The following LRRC4C variants were observed in gnomAD, a reference collection of about 807,000 sequenced individuals.
LRRC4C encodes leucine rich repeat containing 4C, also known as leucine-rich repeat-containing protein 4C.
A neutral mutation model predicts 33.6 loss-of-function variants in LRRC4C; 5 were observed. That is an observed-to-expected ratio of 0.15 (90% CI 0.08 to 0.31). LRRC4C has a LOEUF of 0.31. LRRC4C is among the 10% of genes least tolerant of loss of function. LRRC4C has a pLI of 1.00. For synonymous variants in LRRC4C, 329 were observed against 302.0 expected, an observed-to-expected ratio of 1.09 and a Z score of -0.93; for missense variants, 560 against 796.7, an observed-to-expected ratio of 0.70 and a Z score of 3.58.
intron 1 of LRRC4C, among the ~76,000 whole-genome samples, chr11:41,175,370 G>T (rs1313801623): frequency 6.6e-6 from 1 of 152,140 alleles, no homozygotes; most frequent in East Asian, 1.9e-4. Context: ...TACCAAATGT[G>T]AATGGCTTAA....
chr11:40,763,073 G>GTATATATATA (rs1949295573), intron 2 of LRRC4C, among the ~76,000 whole-genome samples: 7 of 143,068 alleles, frequency 4.9e-5, no homozygotes, highest in Non-Finnish European at 9.1e-5. Flanking sequence ...GTATATATAT[G>GTATATATATA]TATACACACA....
At chr11:41,129,469 G>A (rs950725436) in intron 1 of LRRC4C, among the ~76,000 whole-genome samples, 1 of 151,642 alleles carries the variant, frequency 6.6e-6, no homozygotes, top group Admixed American at 6.6e-5. Context: ...ACCTACCTTT[G>A]TTCACACAAT....
At chr11:40,701,188 C>A (rs765255187) in intron 2 of LRRC4C, among the ~76,000 whole-genome samples, 2 of 152,100 alleles carry the variant, frequency 1.3e-5, no homozygotes, top group African/African-American at 2.4e-5. Context: ...AGTCACTCTC[C>A]CAGTGCTAAG....
chr11:41,058,141 G>A (rs1014980022), intron 1 of LRRC4C, among the ~76,000 whole-genome samples: 4 of 152,250 alleles, frequency 2.6e-5, no homozygotes, highest in African/African-American at 9.6e-5. Flanking sequence ...GCAAAGAGAA[G>A]GAAAGAAGAA....
chr11:40,928,533 T>G (rs1442171480), intron 2 of LRRC4C, among the ~76,000 whole-genome samples: 1 of 151,974 alleles, frequency 6.6e-6, no homozygotes, highest in Non-Finnish European at 1.5e-5. Flanking sequence ...TCTCTTTCAT[T>G]AAGTAATAAT....
At chr11:41,443,006 G>A (rs1303469431) in intron 1 of LRRC4C, among the ~76,000 whole-genome samples, 2 of 151,362 alleles carry the variant, frequency 1.3e-5, no homozygotes, top group Non-Finnish European at 2.9e-5. Context: ...GCTATGAAAT[G>A]GTAGAGCTTA....
chr11:40,449,311 T>G (rs1420180221), intron 3 of LRRC4C, among the ~76,000 whole-genome samples: 3 of 150,208 alleles, frequency 2.0e-5, no homozygotes, highest in African/African-American at 7.4e-5. Context: ...TGCTACTCAC[T>G]TAACTCAAAC....
Position 40,133,146 on chromosome 11 carries a change from T to C in LRRC4C, c.-43+7655A>G, listed in dbSNP as rs185480680. 4.1e-4 allele frequency among the ~76,000 whole-genome samples: 62 copies of C among 151,932 alleles called. 1 individual carries two copies. The highest frequency in any genetic ancestry group is 7.1e-4 in the Non-Finnish European group (48 of 67,930). On this transcript the variant is annotated intron_variant, in intron 6 of 6. Transcript: ENST00000528697. ...TGGATTGATGACTGGCTGGGAGGAG[T>C]TGATAGTCATTAACCCCCAACTTCT...
chr11:40,853,524 T>C (rs1384238480), intron 2 of LRRC4C, among the ~76,000 whole-genome samples: 1 of 151,492 alleles, frequency 6.6e-6, no homozygotes, highest in Non-Finnish European at 1.5e-5. Context: ...TGCAAAAATA[T>C]TTCCTTAAGG....
intron 5 of LRRC4C, among the ~76,000 whole-genome samples, chr11:40,207,048 C>G (rs560409803): frequency 6.6e-6 from 1 of 152,264 alleles, no homozygotes; most frequent in South Asian, 2.1e-4. Context: ...TCAAACAATT[C>G]AATCTCTCAG....
chr11:40,753,284 A>T (rs745324314), intron 2 of LRRC4C, among the ~76,000 whole-genome samples: 1 of 152,008 alleles, frequency 6.6e-6, no homozygotes, highest in Admixed American at 6.6e-5. Flanking sequence ...GAAGTATAAG[A>T]GAGGACTTGA....
chr11:40,643,623 C>T (rs1942255990), intron 3 of LRRC4C, among the ~76,000 whole-genome samples: 1 of 152,122 alleles, frequency 6.6e-6, no homozygotes, highest in African/African-American at 2.4e-5. Context: ...TACCCAACCC[C>T]CCTGCCGTCC....
At chr11:41,253,448 A>T (rs1948705183) in intron 1 of LRRC4C, among the ~76,000 whole-genome samples, 1 of 152,118 alleles carries the variant, frequency 6.6e-6, no homozygotes, top group Non-Finnish European at 1.5e-5. Context: ...TCATATCATG[A>T]GTCTGACAAT....
At chr11:40,935,187 G>A (rs1486390367) in intron 1 of LRRC4C, among the ~76,000 whole-genome samples, 1 of 152,104 alleles carries the variant, frequency 6.6e-6, no homozygotes, top group Non-Finnish European at 1.5e-5. Flanking sequence ...TTCAAAACAG[G>A]TATGTAGTAG....
At chr11:40,876,427 C>T (rs1391370059) in intron 2 of LRRC4C, among the ~76,000 whole-genome samples, 1 of 151,904 alleles carries the variant, frequency 6.6e-6, no homozygotes, top group African/African-American at 2.4e-5. Flanking sequence ...CACTTGTCGC[C>T]CCCAAAGTTC....
chr11:40,665,877 TAATAG>T (rs1236928482), intron 2 of LRRC4C, among the ~76,000 whole-genome samples: 28 of 152,110 alleles, frequency 1.8e-4, no homozygotes, highest in African/African-American at 6.5e-4. Context: ...AAATAGAATT[TAATAG>T]AATAGAATAC....
At chr11:40,329,417 G>A (rs748424152) in intron 3 of LRRC4C, among the ~76,000 whole-genome samples, 1 of 152,190 alleles carries the variant, frequency 6.6e-6, no homozygotes, top group African/African-American at 2.4e-5. Context: ...CGTGAGTCAT[G>A]CTGGAAGGAT....
At chr11:40,290,832 C>T (rs984717902) in intron 4 of LRRC4C, among the ~76,000 whole-genome samples, 1 of 151,954 alleles carries the variant, frequency 6.6e-6, no homozygotes, top group African/African-American at 2.4e-5. Flanking sequence ...GAGTTTGTAA[C>T]CCTGGAGGTC....
chr11:40,502,578 C>G lies in LRRC4C; in HGVS notation c.-270+145564G>C, dbSNP rs116081525. ...AAACCTTATGAGACTTATTCACTGT[C>G]ATGAGAATAGTATGGGGGAAATGAC... is the stretch of plus-strand genomic sequence containing the variant. On this transcript the variant is annotated intron_variant, in intron 3 of 6. Transcript: ENST00000528697. Among the ~76,000 whole-genome samples the G allele has an allele frequency of 9.8e-3, 1,487 of 152,202 alleles. 16 individuals carry two copies. The highest frequency in any genetic ancestry group is 0.03 in the African/African-American group (1,256 of 41,522).
Sources: allele counts gnomAD v4.1 joint callset (sites outside exome capture counted in the v4.1 genomes callset), GRCh38; gene constraint gnomAD v4.1.1; transcripts MANE v1.5; gene names NCBI Gene and HGNC (gene_info 2026-07-23, HGNC 2026-07-21).